Variants in THSD4 observed in about 807,000 individuals in gnomAD.
The protein encoded by THSD4 is thrombospondin type 1 domain containing 4, also known as thrombospondin type-1 domain-containing protein 4.
In THSD4, 69 loss-of-function variants were observed where a neutral mutation model predicts 119.0. The observed-to-expected ratio is 0.58, with a 90% confidence interval of 0.48 to 0.71. The LOEUF is 0.71. THSD4 is among the 30% of genes least tolerant of loss of function. THSD4 has a pLI of 0.00. For synonymous variants in THSD4, 524 were observed against 540.4 expected, an observed-to-expected ratio of 0.97 and a Z score of 0.42; for missense variants, 1,393 against 1,391.1, an observed-to-expected ratio of 1.00 and a Z score of -0.02.
intron 7 of THSD4, among the ~76,000 whole-genome samples, chr15:71,454,419 T>C (rs1020554266): frequency 2.0e-5 from 3 of 152,250 alleles, no homozygotes; most frequent in Non-Finnish European, 2.9e-5. Flanking sequence ...GGTGGGATCA[T>C]CCCTGGCCTG....
intron 6 of THSD4, among the ~76,000 whole-genome samples, chr15:71,397,540 T>C (rs902576658): frequency 1.3e-5 from 2 of 152,220 alleles, no homozygotes; most frequent in Non-Finnish European, 2.9e-5. Flanking sequence ...TGGCCTACAA[T>C]AGGTGCTCAA....
At position 71,215,023 on chromosome 15, in the gene THSD4, C is replaced by T. The variant is rs1359612856; in HGVS notation, c.100-12C>T. ...GGTGTTCTGGTCCCCTAACCTGCCT[C>T]TGTCTCCGCAGGTCCCGCAGCGGAT... On this transcript the variant is annotated splice_polypyrimidine_tract_variant and intron_variant, in intron 3 of 17. Coordinates refer to ENST00000261862, the MANE Select transcript of THSD4 (RefSeq NM_024817.3). The T allele has an allele frequency of 6.3e-5, 79 of 1,258,328 alleles. No individual in the cohort carries two copies. Among genetic ancestry groups the T allele is most frequent in the Non-Finnish European group, 7.8e-5 (78 of 995,288 alleles). The allele number at this position is 1,258,328 out of a possible 1,614,324, so 77.9% of individuals were successfully genotyped here. A position where few individuals can be genotyped will look rare whatever the true frequency, so the allele number is the denominator to read the frequency against.
intron 3 of THSD4, among the ~76,000 whole-genome samples, chr15:71,199,466 T>TGG (rs2043749643): frequency 7.1e-6 from 1 of 140,264 alleles, no homozygotes; most frequent in Admixed American, 7.1e-5. Flanking sequence ...GGGGGGTGTG[T>TGG]GTGTGTGGTG....
intron 8 of THSD4, among the ~76,000 whole-genome samples, chr15:71,689,985 C>T (rs181762627): frequency 3.7e-4 from 57 of 152,280 alleles, no homozygotes; most frequent in East Asian, 3.3e-3. Flanking sequence ...CAAAATATGC[C>T]GCTTCAAACT....
At chr15:71,449,167 A>G (rs2047230164) in intron 7 of THSD4, among the ~76,000 whole-genome samples, 2 of 152,238 alleles carry the variant, frequency 1.3e-5, no homozygotes, top group East Asian at 1.9e-4. Context: ...GAGGACACTC[A>G]GTTGCCACAT....
chr15:71,683,007 A>AC lies in THSD4; in HGVS notation c.1357+22279dup, dbSNP rs140477579. On this transcript the variant is annotated intron_variant, in intron 8 of 17. Coordinates refer to ENST00000261862, the MANE Select transcript of THSD4 (RefSeq NM_024817.3). ...GCAATCATGGCTCACTGCAGCCTCAACCCCCCTGGGCTCAAGAGATCCTCC... is the reference window on the plus strand; with the variant it reads ...GCAATCATGGCTCACTGCAGCCTCAACCCCCCCTGGGCTCAAGAGATCCTCC... Among the ~76,000 whole-genome samples the AC allele has an allele frequency of 7.1e-3, 1,011 of 142,410 alleles. 28 individuals carry two copies. Among genetic ancestry groups the AC allele is most frequent in the African/African-American group, 0.026 (958 of 36,734 alleles). 93.4% of individuals were successfully genotyped at this position (142,410 alleles called of 152,430 possible).
At chr15:71,466,094 A>G (rs2047495189) in intron 7 of THSD4, among the ~76,000 whole-genome samples, 1 of 152,170 alleles carries the variant, frequency 6.6e-6, no homozygotes, top group Non-Finnish European at 1.5e-5. Context: ...TCACACCTGT[A>G]ATCCCAGCAC....
chr15:71,162,668 A>G (rs1267058126), intron 3 of THSD4, among the ~76,000 whole-genome samples: 2 of 151,982 alleles, frequency 1.3e-5, no homozygotes, highest in African/African-American at 4.8e-5. Context: ...GGATGTCTGT[A>G]TCTCTCCCAA....
At chr15:71,748,132 C>G (rs773497439) in intron 13 of THSD4, among the ~76,000 whole-genome samples, 1 of 152,156 alleles carries the variant, frequency 6.6e-6, no homozygotes, top group Non-Finnish European at 1.5e-5. Flanking sequence ...CCAGGAAATC[C>G]ATTTTTAAGG....
intron 7 of THSD4, among the ~76,000 whole-genome samples, chr15:71,631,343 A>T (rs2050625644): frequency 1.3e-5 from 2 of 152,212 alleles, no homozygotes; most frequent in Admixed American, 6.5e-5. Context: ...CATGACCTCC[A>T]TTGACAGAGG....
intron 6 of THSD4, among the ~76,000 whole-genome samples, chr15:71,401,106 C>T (rs2046526299): frequency 6.6e-6 from 1 of 152,014 alleles, no homozygotes; most frequent in Non-Finnish European, 1.5e-5. Flanking sequence ...AAAGTCTCTT[C>T]TTGGTGACTG....
chr15:71,315,887 A>G (rs560890918), intron 6 of THSD4, among the ~76,000 whole-genome samples: 4 of 152,334 alleles, frequency 2.6e-5, no homozygotes, highest in Admixed American at 1.3e-4. Context: ...TTGTCCTTCT[A>G]TATTCTTAGT....
At chr15:71,107,692 A>T (rs961887943) in intron 1 of THSD4, among the ~76,000 whole-genome samples, 1 of 152,232 alleles carries the variant, frequency 6.6e-6, no homozygotes, top group Non-Finnish European at 1.5e-5. Context: ...TTCCCGTGAC[A>T]ACGGAAGAAT....
rs531237998 is a variant in THSD4, at chr15:71,746,381, ACTTTTT to A, written c.2037-439_2037-434del. Among the ~76,000 whole-genome samples the A allele has an allele frequency of 1.5e-3, 231 of 152,172 alleles. 1 individual carries two copies. The highest frequency in any genetic ancestry group is 5.2e-3 in the African/African-American group (216 of 41,528). On this transcript the variant is annotated intron_variant, in intron 12 of 17. Coordinates refer to ENST00000261862, the MANE Select transcript of THSD4 (RefSeq NM_024817.3). ...ACAGAGTCAGATGACCCTTAGGCAG[ACTTTTT>A]CTTTTTCTTTTTCTTTTCTTTTTTT...
At chr15:71,471,476 C>T (rs999991927) in intron 7 of THSD4, among the ~76,000 whole-genome samples, 1 of 152,068 alleles carries the variant, frequency 6.6e-6, no homozygotes, top group Admixed American at 6.6e-5. Context: ...CTTAAGGATA[C>T]AGTGTGCCCC....
intron 4 of THSD4, among the ~76,000 whole-genome samples, chr15:71,233,895 C>T (rs191523785): frequency 1.6e-4 from 25 of 152,294 alleles, no homozygotes; most frequent in Admixed American, 1.6e-3. Context: ...AGGACTCTCT[C>T]CTCTCTCTCC....
intron 7 of THSD4, among the ~76,000 whole-genome samples, chr15:71,552,480 A>G (rs2048947169): frequency 6.6e-6 from 1 of 152,234 alleles, no homozygotes; most frequent in African/African-American, 2.4e-5. Flanking sequence ...AATGACCTTA[A>G]TGACTATTTC....
intron 8 of THSD4, among the ~76,000 whole-genome samples, chr15:71,684,204 A>G (rs1274316047): frequency 6.6e-6 from 1 of 152,130 alleles, no homozygotes; most frequent in Non-Finnish European, 1.5e-5. Context: ...CAGAAAAGTT[A>G]TGGGTTTTTT....
At chr15:71,675,181 C>T (rs1201632211) in intron 8 of THSD4, among the ~76,000 whole-genome samples, 7 of 152,084 alleles carry the variant, frequency 4.6e-5, no homozygotes, top group African/African-American at 1.7e-4. Flanking sequence ...AACAGAAGTA[C>T]CATCTTAAAA....
Sources: gnomAD v4.1 joint callset for allele counts (sites outside exome capture counted in the v4.1 genomes callset) on GRCh38, gnomAD v4.1.1 for gene constraint, MANE v1.5 for transcripts, NCBI Gene and HGNC (gene_info 2026-07-23, HGNC 2026-07-21) for gene names.